CAAP1: variants seen among roughly 807,000 people sequenced by gnomAD.
CAAP1 encodes the protein caspase activity and apoptosis inhibitor 1, also known as conserved anti-apoptotic protein.
Under a neutral mutation model 34.0 loss-of-function variants are expected in CAAP1, and 20 were observed. The ratio of observed to expected loss-of-function variants is 0.59; its 90% confidence interval spans 0.41 to 0.86. CAAP1 has a LOEUF of 0.86. Among genes scored for constraint, CAAP1 ranks in the 40% least tolerant of loss-of-function variants. The pLI, the probability that CAAP1 is intolerant of heterozygous loss-of-function variation, is 0.00. For missense variants in CAAP1, 538 were observed against 450.5 expected, an observed-to-expected ratio of 1.19 and a Z score of -1.76; for synonymous variants, 213 against 166.7, an observed-to-expected ratio of 1.28 and a Z score of -2.14.
intron 1 of CAAP1, among the ~76,000 whole-genome samples, chr9:26,890,834 A>G (rs1823883711): frequency 6.6e-6 from 1 of 151,934 alleles, no homozygotes; most frequent in Non-Finnish European, 1.5e-5. Flanking sequence ...AGTCCCAGCT[A>G]CTCGGGAGGC....
In CAAP1 at chr9:26,874,558, A is replaced by T. The variant is rs189953959; in HGVS notation, c.665+10252T>A. On this transcript the variant is annotated intron_variant, in intron 4 of 5. Coordinates refer to ENST00000333916, the MANE Select transcript of CAAP1 (RefSeq NM_024828.4). ...GTACCCACCCCAACCTCTGGTAACC[A>T]CCTTTCTATTAATTACCTCCATGAA... Among the ~76,000 whole-genome samples the T allele has an allele frequency of 1.6e-3, 248 of 152,192 alleles. 1 individual carries two copies. Among genetic ancestry groups the T allele is most frequent in the Middle Eastern group, 3.4e-3 (1 of 294 alleles).
At chr9:26,868,349 T>C (rs1035510838) in intron 4 of CAAP1, among the ~76,000 whole-genome samples, 1 of 152,102 alleles carries the variant, frequency 6.6e-6, no homozygotes, top group Non-Finnish European at 1.5e-5. Flanking sequence ...AATGGCAATA[T>C]CACCCTGGAA....
intron 4 of CAAP1, among the ~76,000 whole-genome samples, chr9:26,872,437 A>C (rs935379255): frequency 1.3e-5 from 2 of 152,036 alleles, no homozygotes; most frequent in African/African-American, 4.8e-5. Flanking sequence ...CTTTTTAACC[A>C]ATTTATATTT....
intron 3 of CAAP1, 142 bp downstream of exon 3, chr9:26,885,962 T>C: frequency 2.4e-6 from 1 of 415,014 alleles, no homozygotes; most frequent in Non-Finnish European, 4.4e-6. Flanking sequence ...TATTTTTTAG[T>C]GCAAATAGAA....
chr9:26,871,914 A>AAAAT (rs539844823), intron 4 of CAAP1, among the ~76,000 whole-genome samples: 2,263 of 149,754 alleles, frequency 0.015, 35 homozygotes, highest in African/African-American at 0.031. Context: ...ACTTCATCTC[A>AAAAT]AAATAAATAA....
intron 5 of CAAP1, among the ~76,000 whole-genome samples, chr9:26,852,990 G>C (rs927864699): frequency 6.6e-6 from 1 of 152,210 alleles, no homozygotes; most frequent in African/African-American, 2.4e-5. Context: ...GGAGCAGAGA[G>C]AGCAAGGTGG....
intron 4 of CAAP1, among the ~76,000 whole-genome samples, chr9:26,877,835 T>C (rs1406854694): frequency 2.0e-5 from 3 of 151,916 alleles, no homozygotes; most frequent in African/African-American, 7.2e-5. Flanking sequence ...TACATATATT[T>C]CCTATATTTG....
rs1822992712 is a variant in CAAP1, at chr9:26,861,074, A to G, written c.731T>C (p.Leu244Ser). ...RENKQPEGLE[L>S]KQGKGEDSDV... The stretch of plus-strand genomic sequence containing the variant: ...AAGTACTTGGTTCATACCTTGTTTT[A>G]ATTCCAAACCTTCAGGTTGCTTATT... The change falls in exon 5 of 6, where the codon TTA (leucine) becomes TCA (serine). Residue 244 changes from leucine to serine, a missense_variant. Leu to Ser is a moderately radical substitution (Grantham distance 145). Coordinates refer to ENST00000333916, the MANE Select transcript of CAAP1 (RefSeq NM_024828.4). 6 of 1,605,748 alleles carry G rather than the reference A, an allele frequency of 3.7e-6. No individual in the cohort carries two copies. The highest frequency in any genetic ancestry group is 3.4e-6 in the Non-Finnish European group (4 of 1,172,850).
Position 26,886,140 on chromosome 9 carries a change from G to C in CAAP1, c.553C>G (p.Leu185Val). 2 of 1,555,012 alleles carry C rather than the reference G, an allele frequency of 1.3e-6. No individual in the cohort carries two copies. Among genetic ancestry groups the C allele is most frequent in the Non-Finnish European group, 1.7e-6 (2 of 1,155,230 alleles). The change falls in exon 3 of 6, where the codon CTC becomes GTC. Residue 185 changes from leucine (L) to valine (V), a missense_variant. Around this residue, in one of 3 missense-constraint regions of CAAP1, gnomAD observed 514 missense variants for 408.4 expected, o/e 1.26. Transcript: ENST00000333916. ...IKKLCQEQLELLSEKKILKIL... is the reference protein window; with the variant it reads ...IKKLCQEQLEVLSEKKILKIL... The stretch of plus-strand genomic sequence containing the variant: ...TTCAAAATTTTTTTTTCAGACAGGA[G>C]CTCTAACTGTTCCTGGCATAGTTTT...
At chr9:26,882,550 G>A (rs1000508455) in intron 4 of CAAP1, among the ~76,000 whole-genome samples, 5 of 152,322 alleles carry the variant, frequency 3.3e-5, no homozygotes, top group Admixed American at 6.5e-5. Flanking sequence ...CTGCAGGGGC[G>A]GGGCTCTCAT....
chr9:26,866,485 C>CTATA (rs1563885498), intron 4 of CAAP1, among the ~76,000 whole-genome samples: 1 of 152,194 alleles, frequency 6.6e-6, no homozygotes, highest in African/African-American at 2.4e-5. Context: ...CTTACTCTCA[C>CTATA]TATATCCTTT....
chr9:26,862,795 T>C (rs969789060), intron 4 of CAAP1, among the ~76,000 whole-genome samples: 3 of 152,174 alleles, frequency 2.0e-5, no homozygotes, highest in African/African-American at 7.2e-5. Context: ...ATTTTATCAA[T>C]GTTAAATTTA....
chr9:26,864,787 C>T (rs764740353), intron 4 of CAAP1, among the ~76,000 whole-genome samples: 2 of 152,182 alleles, frequency 1.3e-5, no homozygotes, highest in Non-Finnish European at 2.9e-5. Context: ...TTTGTATGGA[C>T]ATTTAAAGGT....
In CAAP1 at chr9:26,850,316, C is replaced by T. The variant is rs531118566; in HGVS notation, c.740-7669G>A. ...TCACACACACACAAACACACAAGTA[C>T]GTGGGCAGAGTGGGGGTTGGAGAGA... On this transcript the variant is annotated intron_variant, in intron 5 of 5. Transcript: ENST00000333916. 2.6e-4 allele frequency among the ~76,000 whole-genome samples: 40 copies of T among 152,250 alleles called. 1 individual carries two copies. In the South Asian group the frequency reaches 4.8e-3, roughly 18 times the overall value.
At position 26,886,153 on chromosome 9, in the gene CAAP1, C is replaced by T; in HGVS notation, c.540G>A (p.Gln180=). The stretch of plus-strand genomic sequence containing the variant: ...TTTCAGACAGGAGCTCTAACTGTTC[C>T]TGGCATAGTTTTTTAATTTCTTCTA... ...CSIEEIKKLC[Q]EQLELLSEKK... is the part of the protein sequence containing the mutation. Residue 180 remains glutamine (Q), a synonymous_variant, in exon 3 of 6, where the codon CAG becomes CAA. Coordinates refer to ENST00000333916, the MANE Select transcript of CAAP1 (RefSeq NM_024828.4). 6.4e-7 allele frequency: 1 copy of T among 1,554,644 alleles called. No individual in the cohort carries two copies. Among genetic ancestry groups the T allele is most frequent in the Non-Finnish European group, 8.7e-7 (1 of 1,155,106 alleles).
intron 5 of CAAP1, among the ~76,000 whole-genome samples, chr9:26,856,186 T>C (rs755987610): frequency 2.4e-4 from 36 of 152,146 alleles, no homozygotes; most frequent in Non-Finnish European, 2.9e-4. Context: ...TATTTTGTGC[T>C]TGCATGTCTT....
chr9:26,878,650 A>T (rs1451855807), intron 4 of CAAP1, among the ~76,000 whole-genome samples: 1 of 152,074 alleles, frequency 6.6e-6, no homozygotes, highest in African/African-American at 2.4e-5. Flanking sequence ...GACCTCAGTA[A>T]ACCAAGTTCC....
intron 4 of CAAP1, among the ~76,000 whole-genome samples, chr9:26,881,694 G>C (rs1215343798): frequency 6.6e-6 from 1 of 152,144 alleles, no homozygotes; most frequent in Non-Finnish European, 1.5e-5. Context: ...CAGTAAATTG[G>C]TACCAGTAGA....
At chr9:26,889,336 T>G (rs1823840257) in intron 1 of CAAP1, among the ~76,000 whole-genome samples, 1 of 152,034 alleles carries the variant, frequency 6.6e-6, no homozygotes, top group African/African-American at 2.4e-5. Context: ...AAGAATTGCT[T>G]GAACCCAGGA....
Sources: allele counts gnomAD v4.1 joint callset (sites outside exome capture counted in the v4.1 genomes callset), GRCh38; gene constraint gnomAD v4.1.1; regional missense constraint gnomAD v4.1.1; transcripts MANE v1.5; gene names NCBI Gene and HGNC (gene_info 2026-07-23, HGNC 2026-07-21).